Variants in URI1 observed in about 807,000 individuals in gnomAD.
URI1 encodes the protein URI1 prefoldin like chaperone, also known as unconventional prefoldin RPB5 interactor 1.
In URI1, 39 loss-of-function variants were observed where a neutral mutation model predicts 60.2. That is an observed-to-expected ratio of 0.65 (90% CI 0.50 to 0.85). The LOEUF (loss-of-function observed/expected upper bound fraction) is 0.85, where lower values mean the gene tolerates loss of function less well. URI1 is among the 40% of genes least tolerant of loss of function. The probability of loss-of-function intolerance (pLI) is 0.00; values close to 1 mark genes in which losing one functional copy is unlikely to be tolerated. For synonymous variants in URI1, 251 were observed against 236.8 expected (o/e 1.06, Z -0.55); for missense variants, 691 against 665.9 (o/e 1.04, Z -0.42).
chr19:30,005,451 ATG>A lies in URI1; in HGVS notation c.459+2_459+3del. 4 of 1,593,012 alleles carry A rather than the reference ATG, an allele frequency of 2.5e-6. No homozygotes were observed. The highest frequency in any genetic ancestry group is 2.6e-6 in the Non-Finnish European group (3 of 1,172,576). Reference sequence around the variant, plus strand: ...ACAGAAGATTTGCAGAAAATGAGCGATGTGAGTATTTGTTTTTAGTCTTCTAT... The same window carrying A: ...ACAGAAGATTTGCAGAAAATGAGCGATGAGTATTTGTTTTTAGTCTTCTAT... On this transcript the variant is annotated splice_donor_variant and coding_sequence_variant, in exon 5 of 11. Transcript: ENST00000392271. LOFTEE classifies it high-confidence loss of function.
At chr19:29,977,931 AAAGG>A (rs930332322) in intron 2 of URI1, among the ~76,000 whole-genome samples, 1 of 152,172 alleles carries the variant, frequency 6.6e-6, no homozygotes, top group Non-Finnish European at 1.5e-5. Context: ...TTGAAATAAG[AAAGG>A]AATAAAGATA....
intron 1 of URI1, among the ~76,000 whole-genome samples, chr19:29,924,516 A>C (rs1222197612): frequency 6.6e-6 from 1 of 151,986 alleles, no homozygotes; most frequent in Non-Finnish European, 1.5e-5. Flanking sequence ...TGACCCCTTG[A>C]TTTCTTTCTG....
chr19:29,970,984 C>G, intron 1 of URI1: 1 of 549,518 alleles, frequency 1.8e-6, no homozygotes, highest in Non-Finnish European at 3.3e-6. Context: ...GTAATTTGTT[C>G]TGCAGTTATC....
At chr19:29,940,968 A>G (rs1455926850), upstream of URI1, among the ~76,000 whole-genome samples, 1 of 152,192 alleles carries the variant, frequency 6.6e-6, no homozygotes, top group Admixed American at 6.5e-5. Flanking sequence ...TGGCTGTTCC[A>G]GAGGTGATGA....
intron 8 of URI1, among the ~76,000 whole-genome samples, chr19:30,010,392 C>T (rs890264733): frequency 2.0e-5 from 3 of 152,116 alleles, no homozygotes; most frequent in Non-Finnish European, 2.9e-5. Flanking sequence ...CCTGATTCTT[C>T]GGGAAAAGTT....
chr19:29,956,220 A>T lies in URI1; in HGVS notation c.117+13556A>T, dbSNP rs977918630. On this transcript the variant is annotated intron_variant, in intron 1 of 10. Transcript: ENST00000392271. ...GGTCTCAAACTCCTGACCTCAGGTG[A>T]TCCACCTGTCTTCGGCCTCCCAAAA... 13 of 458,046 alleles carry T rather than the reference A, an allele frequency of 2.8e-5. No homozygotes were observed. In the Admixed American group the frequency reaches 4.3e-4, roughly 15 times the overall value. The allele number at this position is 458,046 out of a possible 1,614,324, so 28.4% of individuals were successfully genotyped here.
chr19:29,984,531 C>T (rs1425302721), intron 2 of URI1, among the ~76,000 whole-genome samples: 1 of 152,092 alleles, frequency 6.6e-6, no homozygotes, highest in East Asian at 1.9e-4. Context: ...TTATTTGGTC[C>T]AGATAGTCTT....
At chr19:29,952,108 T>C (rs1032956538) in intron 1 of URI1, among the ~76,000 whole-genome samples, 1 of 152,252 alleles carries the variant, frequency 6.6e-6, no homozygotes, top group South Asian at 2.1e-4. Context: ...ATTTACCATC[T>C]AGGTCCAGTG....
At chr19:30,011,904 G>C (rs189539967) in intron 9 of URI1, among the ~76,000 whole-genome samples, 29 of 133,234 alleles carry the variant, frequency 2.2e-4, no homozygotes, top group South Asian at 1.1e-3. Context: ...GTCATGGGGT[G>C]GGGGGAGGGG....
At chr19:29,959,757 C>T (rs541705914) in intron 1 of URI1, among the ~76,000 whole-genome samples, 1 of 151,726 alleles carries the variant, frequency 6.6e-6, no homozygotes, top group Admixed American at 6.6e-5. Context: ...CCCTTGATTT[C>T]TCTTCTTAAG....
chr19:29,987,558 A>G (rs1443114018), intron 4 of URI1, among the ~76,000 whole-genome samples: 1 of 152,180 alleles, frequency 6.6e-6, no homozygotes, highest in African/African-American at 2.4e-5. Flanking sequence ...CTTTTTTCTT[A>G]AAGACCTTAC....
intron 4 of URI1, among the ~76,000 whole-genome samples, chr19:29,986,770 A>G (rs1262392627): frequency 6.6e-6 from 1 of 152,170 alleles, no homozygotes. Flanking sequence ...TTTGCACTTA[A>G]TACTTTAGTA....
Position 30,016,003 on chromosome 19 carries a change from T to G in URI1, c.*934T>G, listed in dbSNP as rs1179995328. 2 of 156,498 alleles carry G rather than the reference T, an allele frequency of 1.3e-5. No homozygotes were observed. The highest frequency in any genetic ancestry group is 2.4e-5 in the African/African-American group (1 of 41,632). 9.7% of individuals were successfully genotyped at this position (156,498 alleles called of 1,614,324 possible). On this transcript the variant is annotated 3_prime_UTR_variant, in exon 11 of 11. Coordinates refer to ENST00000392271, the MANE Select transcript of URI1 (RefSeq NM_003796.3). ...TTTACCACAATTCCTCAAAATAAAT[T>G]TATTCTAACATTGAAAATAACATTA... is the stretch of plus-strand genomic sequence containing the variant.
chr19:30,013,576 C>G (rs2056049524), intron 10 of URI1, among the ~76,000 whole-genome samples: 1 of 152,160 alleles, frequency 6.6e-6, no homozygotes, highest in South Asian at 2.1e-4. Flanking sequence ...TATCATGGTA[C>G]AGCTAGAGTG....
rs148859464 is a variant in URI1 at position 29,967,936 on chromosome 19, G to A, written c.118-3257G>A. Among the ~76,000 whole-genome samples, 18 of 152,224 alleles carry A rather than the reference G, an allele frequency of 1.2e-4. No individual in the cohort carries two copies. The East Asian group carries it at 1.5e-3, about 13-fold the overall frequency. On this transcript the variant is annotated intron_variant, in intron 1 of 10. Coordinates refer to ENST00000392271, the MANE Select transcript of URI1 (RefSeq NM_003796.3). ...GTTCGTTTTGTCACATGCAGTGTTGGCATATACTCCTGTTGTTATTGCTCA... is the reference window on the plus strand; with the variant it reads ...GTTCGTTTTGTCACATGCAGTGTTGACATATACTCCTGTTGTTATTGCTCA...
rs544319502 is a variant in URI1 at position 29,986,152 on chromosome 19, G to A, written c.232-130G>A. The A allele has an allele frequency of 4.6e-5, 40 of 868,762 alleles. No homozygotes were observed. The African/African-American group carries it at 6.2e-4, about 13-fold the overall frequency. 53.8% of individuals were successfully genotyped at this position (868,762 alleles called of 1,614,324 possible). On this transcript the variant is annotated intron_variant, in intron 3 of 10. Coordinates refer to ENST00000392271, the MANE Select transcript of URI1 (RefSeq NM_003796.3). ...ATAGTGTTGAATTTCTGTGAAGCTG[G>A]CATTTTATTTTTCCCAATGTATAAA... is the stretch of plus-strand genomic sequence containing the variant.
upstream of URI1, among the ~76,000 whole-genome samples, chr19:29,941,413 A>T (rs949719922): frequency 6.6e-6 from 1 of 152,064 alleles, no homozygotes; most frequent in Admixed American, 6.5e-5. Flanking sequence ...AGGCTCGCTT[A>T]ATGTCAAGAC....
intron 1 of URI1, among the ~76,000 whole-genome samples, chr19:29,946,585 A>G (rs1350330063): frequency 6.6e-6 from 1 of 152,212 alleles, no homozygotes; most frequent in African/African-American, 2.4e-5. Flanking sequence ...AATAGCTTAT[A>G]CTTCCTGATA....
chr19:30,000,947 A>G (rs183716844), intron 4 of URI1, among the ~76,000 whole-genome samples: 45 of 150,618 alleles, frequency 3.0e-4, no homozygotes, highest in African/African-American at 1.1e-3. Context: ...TGACTTTAAA[A>G]TTTTCCTGTA....
Sources: allele counts gnomAD v4.1 joint callset (sites outside exome capture counted in the v4.1 genomes callset), GRCh38; gene constraint gnomAD v4.1.1; transcripts MANE v1.5; gene names NCBI Gene and HGNC (gene_info 2026-07-23, HGNC 2026-07-21).